MAP3K13: variants seen among roughly 807,000 people sequenced by gnomAD.
The protein encoded by MAP3K13 is mitogen-activated protein kinase kinase kinase 13.
In MAP3K13, 52 loss-of-function variants were observed where a neutral mutation model predicts 104.0. The observed-to-expected ratio is 0.50, with a 90% CI of 0.40 to 0.63. The LOEUF is 0.63. Among genes scored for constraint, MAP3K13 ranks in the 20% least tolerant of loss-of-function variants. MAP3K13 has a pLI of 0.00. For missense variants in MAP3K13, 914 were observed against 1,218.5 expected, an observed-to-expected ratio of 0.75 and a Z score of 3.72; for synonymous variants, 394 against 442.2, an observed-to-expected ratio of 0.89 and a Z score of 1.37.
intron 7 of MAP3K13, among the ~76,000 whole-genome samples, 159 bp from the exon 8 acceptor site, chr3:185,463,391 T>C (rs1455296177): frequency 6.6e-6 from 1 of 152,190 alleles, no homozygotes; most frequent in Non-Finnish European, 1.5e-5. Context: ...TAGCAGGAGA[T>C]ATTTTGCTAT....
At chr3:185,387,371 C>A (rs1265672408) in intron 1 of MAP3K13, among the ~76,000 whole-genome samples, 3 of 152,246 alleles carry the variant, frequency 2.0e-5, no homozygotes, top group African/African-American at 7.2e-5. Context: ...TCCTCTCTCT[C>A]TATGTGATCT....
At position 185,428,684 on chromosome 3, in the gene MAP3K13, G is replaced by A; in HGVS notation, c.103G>A (p.Gly35Arg). The A allele has an allele frequency of 6.2e-7, 1 of 1,614,122 alleles. No homozygotes were observed. Among genetic ancestry groups the A allele is most frequent in the African/African-American group, 1.3e-5 (1 of 75,034 alleles). The stretch of plus-strand genomic sequence containing the variant: ...ACTACAAGATGAGCTCACAGCTATG[G>A]GGAACCACCCTTCTCCCAAGCTGCT... ...NGLQDELTAM[G>R]NHPSPKLLED... The change falls in exon 2 of 14, where the codon GGG becomes AGG. Residue 35 changes from glycine (G) to arginine (R), a missense_variant. This residue lies in a region of MAP3K13 where 156 missense variants were observed against 159.8 expected (regional missense o/e 0.98). Transcript: ENST00000265026.
intron 2 of MAP3K13, among the ~76,000 whole-genome samples, chr3:185,308,009 C>CTTTTTTTT (rs33949195): frequency 6.3e-5 from 2 of 31,574 alleles, no homozygotes; most frequent in African/African-American, 1.2e-4. Context: ...TCTTTGGGGT[C>CTTTTTTTT]TTTTTTTTTT....
chr3:185,388,814 A>G (rs1711862064), intron 1 of MAP3K13, among the ~76,000 whole-genome samples: 1 of 152,190 alleles, frequency 6.6e-6, no homozygotes, highest in African/African-American at 2.4e-5. Context: ...CCAAAACAAC[A>G]TGGTATTGGT....
chr3:185,374,342 C>G (rs549608333), intron 1 of MAP3K13, among the ~76,000 whole-genome samples: 160 of 152,192 alleles, frequency 1.1e-3, no homozygotes, highest in African/African-American at 3.7e-3. Flanking sequence ...GGCGATGTTT[C>G]TCAGTGCTGC....
At position 185,343,305 on chromosome 3, in the gene MAP3K13, T is replaced by G. The variant is rs544752540; in HGVS notation, c.-86+57662T>G. Among the ~76,000 whole-genome samples the G allele has an allele frequency of 5.3e-5, 8 of 152,314 alleles. No homozygotes were observed. In the South Asian group the frequency reaches 1.7e-3, roughly 32 times the overall value. The stretch of plus-strand genomic sequence containing the variant: ...CACCTTAAGAGTTTGTCTGCCATAA[T>G]GGGCCTGGAGATTACACAAATCCTA... On this transcript the variant is annotated intron_variant, in intron 2 of 14. Coordinates refer to the MAP3K13 transcript ENST00000424227.
chr3:185,359,110 T>C (rs571338021), upstream of MAP3K13, among the ~76,000 whole-genome samples: 13 of 152,306 alleles, frequency 8.5e-5, no homozygotes, highest in East Asian at 2.5e-3. Context: ...GAGGTTTAAT[T>C]GGACTTACAG....
chr3:185,310,483 A>C, intron 2 of MAP3K13, among the ~76,000 whole-genome samples: 1 of 152,234 alleles, frequency 6.6e-6, no homozygotes, highest in African/African-American at 2.4e-5. Flanking sequence ...GATATATTAC[A>C]GGAACAAGTA....
chr3:185,485,025 A>G lies in MAP3K13; in HGVS notation c.*2569A>G, dbSNP rs1008020521. ...TTCTGCCCTGAAGCCCAATGGATAC[A>G]TTGTGATTTTGACTTGATCATGAAA... is the stretch of plus-strand genomic sequence containing the variant. On this transcript the variant is annotated 3_prime_UTR_variant, in exon 14 of 14. Transcript: ENST00000265026. The G allele has an allele frequency of 2.0e-5, 3 of 152,200 alleles. No individual in the cohort carries two copies. Among genetic ancestry groups the G allele is most frequent in the Non-Finnish European group, 4.4e-5 (3 of 68,042 alleles). 9.4% of individuals were successfully genotyped at this position (152,200 alleles called of 1,614,324 possible). A position where few individuals can be genotyped will look rare whatever the true frequency, so the allele number is the denominator to read the frequency against.
At chr3:185,317,881 G>A (rs6782350) in intron 2 of MAP3K13, among the ~76,000 whole-genome samples, 117,962 of 151,826 alleles carry the variant, frequency 0.78, 46,362 homozygotes, top group Non-Finnish European at 0.84. Flanking sequence ...TTACAAAAGT[G>A]GTTTCTATTT....
intron 7 of MAP3K13, among the ~76,000 whole-genome samples, chr3:185,455,797 G>GAT (rs1491199675): frequency 2.9e-4 from 26 of 90,972 alleles, no homozygotes; most frequent in African/African-American, 9.1e-4. Context: ...ATATATATAT[G>GAT]AGATATATGA....
At chr3:185,337,341 A>T (rs1722542870) in intron 2 of MAP3K13, among the ~76,000 whole-genome samples, 1 of 152,262 alleles carries the variant, frequency 6.6e-6, no homozygotes, top group African/African-American at 2.4e-5. Flanking sequence ...CTTACACAGG[A>T]TGTTTCACAG....
intron 2 of MAP3K13, among the ~76,000 whole-genome samples, chr3:185,291,384 G>T (rs1335154508): frequency 6.6e-6 from 1 of 152,174 alleles, no homozygotes; most frequent in Non-Finnish European, 1.5e-5. Context: ...TTTCAGTGAA[G>T]GGTATTAATC....
Position 185,450,824 on chromosome 3 carries a change from T to C in MAP3K13, c.1170-463T>C, listed in dbSNP as rs1042327695. Among the ~76,000 whole-genome samples, 7 of 152,050 alleles carry C rather than the reference T, an allele frequency of 4.6e-5. No individual in the cohort carries two copies. The highest frequency in any genetic ancestry group is 9.7e-5 in the African/African-American group (4 of 41,394). ...AATGTTAAGGGCCGGGTACGGTGGC[T>C]CACGCCTGTAATCCCAGCACTTTAG... On this transcript the variant is annotated intron_variant, in intron 6 of 13. Coordinates refer to ENST00000265026, the MANE Select transcript of MAP3K13 (RefSeq NM_004721.5). This position sits in a 1 kb window ranked among gnomAD's most constrained non-coding sequence, Gnocchi z 4.2.
chr3:185,392,535 GA>G lies in MAP3K13; in HGVS notation c.-86+29169del, dbSNP rs1478552642. 1.1e-4 allele frequency among the ~76,000 whole-genome samples: 17 copies of G among 152,298 alleles called. No homozygotes were observed. In the South Asian group the frequency reaches 3.1e-3, roughly 28 times the overall value. On this transcript the variant is annotated intron_variant, in intron 1 of 13. Transcript: ENST00000265026. Reference sequence around the variant, plus strand: ...TGACAGAGGAGGCAGTGAATTCAGAGAACTGAAATGAATCTGACTGAGAACT... The same window carrying G: ...TGACAGAGGAGGCAGTGAATTCAGAGACTGAAATGAATCTGACTGAGAACT...
chr3:185,320,456 G>T (rs1721816395), intron 2 of MAP3K13, among the ~76,000 whole-genome samples: 1 of 152,074 alleles, frequency 6.6e-6, no homozygotes, highest in African/African-American at 2.4e-5. Context: ...CTTAAAATTG[G>T]TTTTCTTTTA....
chr3:185,340,918 TA>T (rs1722696492), intron 2 of MAP3K13, among the ~76,000 whole-genome samples: 6 of 152,178 alleles, frequency 3.9e-5, no homozygotes, highest in Admixed American at 3.9e-4. Flanking sequence ...CTTTCCTTTA[TA>T]AATGATCCAT....
chr3:185,307,883 T>C (rs1490788849), intron 2 of MAP3K13, among the ~76,000 whole-genome samples: 2 of 152,122 alleles, frequency 1.3e-5, no homozygotes, highest in African/African-American at 4.8e-5. Context: ...TTTCATTTTG[T>C]TCATGTATCA....
chr3:185,366,206 C>G (rs2108745984), intron 1 of MAP3K13, among the ~76,000 whole-genome samples: 1 of 151,898 alleles, frequency 6.6e-6, no homozygotes, highest in East Asian at 1.9e-4. Context: ...AGTACATGCT[C>G]TTTTGTAACT....
Sources: gnomAD v4.1 joint callset for allele counts (sites outside exome capture counted in the v4.1 genomes callset) on GRCh38, gnomAD v4.1.1 for gene constraint, gnomAD v4.1.1 regional missense constraint, Gnocchi (gnomAD v3.1) non-coding constraint, MANE v1.5 for transcripts, NCBI Gene and HGNC (gene_info 2026-07-23, HGNC 2026-07-21) for gene names.